The following ENPP2 variants were observed in gnomAD, a reference collection of about 807,000 sequenced individuals.
ENPP2 encodes autotaxin.
Under a neutral mutation model 120.2 loss-of-function variants are expected in ENPP2, and 51 were observed. That is an observed-to-expected ratio of 0.42 (90% CI 0.34 to 0.54). The LOEUF is 0.54. ENPP2 is among the 20% of genes least tolerant of loss of function. The probability of loss-of-function intolerance (pLI) is 0.04; values close to 1 mark genes in which losing one functional copy is unlikely to be tolerated. For missense variants in ENPP2, 920 were observed against 1,066.5 expected (o/e 0.86, Z 1.91); for synonymous variants, 365 against 366.4 (o/e 1.00, Z 0.04).
rs1177007265 is a variant in ENPP2, at chr8:119,638,760, G to A, written c.21C>T (p.Phe7=). The A allele has an allele frequency of 1.2e-6, 2 of 1,604,400 alleles. No individual in the cohort carries two copies. Among genetic ancestry groups the A allele is most frequent in the African/African-American group, 2.7e-5 (2 of 74,730 alleles). Reference sequence around the variant, plus strand: ...TCCGTTCTCCCACCTGACACGACTGGAACGAGCTCCTCCTTGCCATGTCGA... The same window carrying A: ...TCCGTTCTCCCACCTGACACGACTGAAACGAGCTCCTCCTTGCCATGTCGA... The part of the protein sequence containing the change: MARRSS[F]QSCQIISLFT... Residue 7 remains phenylalanine, a synonymous_variant, in exon 1 of 25, where the codon TTC becomes TTT. Transcript: ENST00000075322.
chr8:119,620,176 A>T (rs1280798037), intron 4 of ENPP2, among the ~76,000 whole-genome samples: 3 of 152,222 alleles, frequency 2.0e-5, no homozygotes, highest in Non-Finnish European at 4.4e-5. Flanking sequence ...GCCTCACAAA[A>T]GTACTGAAAC....
chr8:119,617,642 A>C, intron 5 of ENPP2, 79 bp from the exon 6 acceptor site: 1 of 1,003,034 alleles, frequency 1.0e-6, no homozygotes, highest in Non-Finnish European at 1.5e-6. Context: ...CAATAATGGG[A>C]GCAATAATTT....
At chr8:119,614,472 T>C (rs1408633707) in intron 8 of ENPP2, among the ~76,000 whole-genome samples, 1 of 152,168 alleles carries the variant, frequency 6.6e-6, no homozygotes, top group Non-Finnish European at 1.5e-5. Flanking sequence ...CTTGGTCAGA[T>C]GCGTCAACTT....
At chr8:119,670,893 T>C (rs1025319426) in intron 1 of ENPP2, among the ~76,000 whole-genome samples, 1 of 152,120 alleles carries the variant, frequency 6.6e-6, no homozygotes, top group Non-Finnish European at 1.5e-5. Flanking sequence ...TTGTGGACAA[T>C]GTGTATCCAC....
intron 8 of ENPP2, among the ~76,000 whole-genome samples, chr8:119,615,680 T>C (rs1815407781): frequency 6.6e-6 from 1 of 152,242 alleles, no homozygotes; most frequent in East Asian, 1.9e-4. Context: ...GAATTTACTG[T>C]GGATTTCAGT....
chr8:119,605,207 G>C (rs1814619337), intron 9 of ENPP2, among the ~76,000 whole-genome samples: 1 of 151,976 alleles, frequency 6.6e-6, no homozygotes, highest in Non-Finnish European at 1.5e-5. Flanking sequence ...AAGTAGCTGG[G>C]ACTATAGGCA....
chr8:119,601,530 C>T (rs1814307460), intron 9 of ENPP2, 68 bp from the exon 10 acceptor site: 1 of 1,180,068 alleles, frequency 8.5e-7, no homozygotes, highest in Non-Finnish European at 1.3e-6. Context: ...CTGAGGAGTG[C>T]TCGCTCTTGC....
chr8:119,638,211 A>C (rs1817122340), intron 2 of ENPP2, among the ~76,000 whole-genome samples: 1 of 152,252 alleles, frequency 6.6e-6, no homozygotes, highest in African/African-American at 2.4e-5. Flanking sequence ...AAATGGAAAT[A>C]GCCAGTTATG....
chr8:119,590,436 G>C, intron 13 of ENPP2, 69 bp downstream of exon 13: 3 of 1,266,220 alleles, frequency 2.4e-6, no homozygotes, highest in Non-Finnish European at 3.2e-6. Flanking sequence ...TTCAGCTTTA[G>C]AAAACAAGCC....
chr8:119,619,407 T>C lies in ENPP2; in HGVS notation c.419-103A>G, dbSNP rs113812213. The C allele has an allele frequency of 0.011, 7,949 of 730,924 alleles. 457 individuals carry two copies. In the African/African-American group the frequency reaches 0.16, roughly 14 times the overall value. The allele number at this position is 730,924 out of a possible 1,614,324, so 45.3% of individuals were successfully genotyped here. ...TGTGTCCTGTTTGATACTTTCTTTA[T>C]GGGATATAACAAAAAAAAAAAAAAA... On this transcript the variant is annotated intron_variant, in intron 4 of 24. Transcript: ENST00000075322.
upstream of ENPP2, among the ~76,000 whole-genome samples, chr8:119,641,836 A>G (rs1817294348): frequency 6.6e-6 from 1 of 152,224 alleles, no homozygotes; most frequent in South Asian, 2.1e-4. Context: ...TTATGGAGAT[A>G]AGACCTGGTT....
Position 119,630,178 on chromosome 8 carries a change from G to A in ENPP2, c.137-3458C>T, listed in dbSNP as rs533919869. Among the ~76,000 whole-genome samples, 14 of 150,524 alleles carry A rather than the reference G, an allele frequency of 9.3e-5. No individual in the cohort carries two copies. The East Asian group carries it at 1.4e-3, about 15-fold the overall frequency. On this transcript the variant is annotated intron_variant, in intron 2 of 24. Transcript: ENST00000075322. ...GGCTGGAGTGCAATGGTGTGATCTC[G>A]GCTCACTGCAACCTCTGCCTCCCGG...
intron 24 of ENPP2, among the ~76,000 whole-genome samples, chr8:119,559,316 G>A (rs16892742): frequency 0.032 from 4,820 of 152,224 alleles, 260 homozygotes; most frequent in African/African-American, 0.11. Context: ...TGATTTTTCA[G>A]TGGTCAGTCA....
chr8:119,670,896 G>A (rs1338317302), intron 1 of ENPP2, among the ~76,000 whole-genome samples: 1 of 152,132 alleles, frequency 6.6e-6, no homozygotes, highest in East Asian at 1.9e-4. Context: ...TGGACAATGT[G>A]TATCCACCAA....
intron 5 of ENPP2, chr8:119,618,326 G>A (rs768611637): frequency 2.1e-6 from 1 of 480,268 alleles, no homozygotes; most frequent in African/African-American, 2.0e-5. Flanking sequence ...ATGGGCCTCT[G>A]TATAAGAGAA....
chr8:119,600,206 T>C (rs1174133303), intron 11 of ENPP2, among the ~76,000 whole-genome samples: 2 of 152,176 alleles, frequency 1.3e-5, no homozygotes, highest in Non-Finnish European at 2.9e-5. Flanking sequence ...TTATGCCAAG[T>C]TGATTGTATT....
upstream of ENPP2, among the ~76,000 whole-genome samples, chr8:119,641,494 G>A (rs1817286224): frequency 6.6e-6 from 1 of 152,186 alleles, no homozygotes; most frequent in South Asian, 2.1e-4. Context: ...TAAACAAGAA[G>A]TGCATAAGAA....
intron 1 of ENPP2, among the ~76,000 whole-genome samples, chr8:119,671,771 C>T (rs1057288931): frequency 1.3e-5 from 2 of 152,086 alleles, no homozygotes; most frequent in African/African-American, 2.4e-5. Context: ...TGGTTAAAGC[C>T]GCTGGAGTGA....
chr8:119,642,316 G>A (rs891385362), upstream of ENPP2, among the ~76,000 whole-genome samples: 13 of 151,872 alleles, frequency 8.6e-5, no homozygotes, highest in Non-Finnish European at 1.8e-4. Flanking sequence ...ATTTCTATTT[G>A]TTTATTTTTT....
Sources: gnomAD v4.1 joint callset for allele counts (sites outside exome capture counted in the v4.1 genomes callset) on GRCh38, gnomAD v4.1.1 for gene constraint, MANE v1.5 for transcripts, NCBI Gene and HGNC (gene_info 2026-07-23, HGNC 2026-07-21) for gene names.